The following FCN2 variants were observed in gnomAD, a reference collection of about 807,000 sequenced individuals.
FCN2 encodes the protein ficolin 2, also known as ficolin-2.
In FCN2, 31 loss-of-function variants were observed where a neutral mutation model predicts 32.5. The ratio of observed to expected loss-of-function variants is 0.96; its 90% CI spans 0.72 to 1.29. FCN2 has a LOEUF of 1.29. FCN2 is among the 50% of genes most tolerant of loss of function. The probability of loss-of-function intolerance (pLI) is 0.00; values close to 1 mark genes in which losing one functional copy is unlikely to be tolerated. For synonymous variants in FCN2, 181 were observed against 164.5 expected, an observed-to-expected ratio of 1.10 and a Z score of -0.77; for missense variants, 412 against 406.5, an observed-to-expected ratio of 1.01 and a Z score of -0.12.
the FCN2 span, among the ~76,000 whole-genome samples, chr9:134,873,914 TGTTTTTTG>T: frequency 4.8e-5 from 7 of 146,298 alleles, no homozygotes; most frequent in Admixed American, 2.0e-4. Context: ...TTTTTGTTTT[TGTTTTTTG>T]TTTTTTGATA....
At chr9:134,882,730 C>G (rs756015303) in intron 2 of FCN2, 91 bp downstream of exon 2, 38 of 906,118 alleles carry the variant, frequency 4.2e-5, no homozygotes, top group Middle Eastern at 2.2e-4. Context: ...GTTCCTAGAT[C>G]GAGAGCTGGG....
chr9:134,869,941 G>C, the FCN2 span, among the ~76,000 whole-genome samples: 1 of 152,114 alleles, frequency 6.6e-6, no homozygotes, highest in Non-Finnish European at 1.5e-5. Context: ...GCTGCAGGAG[G>C]GGGGGGCCCA....
At chr9:134,865,650 T>C in the FCN2 span, among the ~76,000 whole-genome samples, 1 of 150,436 alleles carries the variant, frequency 6.6e-6, no homozygotes, top group Non-Finnish European at 1.5e-5. Context: ...AAAAAAAAAA[T>C]CCACCAAGCA....
At chr9:134,864,516 T>C in the FCN2 span, among the ~76,000 whole-genome samples, 48,883 of 152,000 alleles carry the variant, frequency 0.32, 8,756 homozygotes, top group African/African-American at 0.45. Context: ...TTACAGTGGG[T>C]GGCTGCAGCC....
upstream of FCN2, among the ~76,000 whole-genome samples, chr9:134,875,976 G>A (rs2132989586): frequency 6.6e-6 from 1 of 152,246 alleles, no homozygotes; most frequent in East Asian, 1.9e-4. Flanking sequence ...CTTCATTTTT[G>A]GAGAGCCTTT....
At chr9:134,873,911 TTTTG>T in the FCN2 span, among the ~76,000 whole-genome samples, 37 of 63,332 alleles carry the variant, frequency 5.8e-4, no homozygotes, top group Middle Eastern at 0.013. Context: ...TTTTTTTTGT[TTTTG>T]TTTTTTGTTT....
intron 6 of FCN2, 42 bp from the exon 7 acceptor site, chr9:134,886,388 A>C (rs748190567): frequency 6.2e-7 from 1 of 1,612,690 alleles, no homozygotes; most frequent in Non-Finnish European, 8.5e-7. Context: ...GTCTAAAGGT[A>C]GAGAGCCCTT....
the FCN2 span, among the ~76,000 whole-genome samples, chr9:134,874,201 C>A: frequency 6.6e-6 from 1 of 152,128 alleles, no homozygotes; most frequent in Non-Finnish European, 1.5e-5. Context: ...CAGTTAGGAG[C>A]CACTGTGCCC....
At chr9:134,870,318 G>A in the FCN2 span, among the ~76,000 whole-genome samples, 1 of 152,190 alleles carries the variant, frequency 6.6e-6, no homozygotes, top group Admixed American at 6.5e-5. This position sits in a 1 kb window ranked among gnomAD's most constrained non-coding sequence, Gnocchi z 4.3. Context: ...GGCCTAGTGT[G>A]GGTGCAGAGG....
intron 5 of FCN2, 133 bp downstream of exon 5, chr9:134,885,499 C>T (rs1830736819): frequency 6.9e-7 from 1 of 1,444,612 alleles, no homozygotes; most frequent in African/African-American, 1.4e-5. Context: ...GGGGAGATGA[C>T]CGGTGGGTAA....
At chr9:134,870,189 C>T in the FCN2 span, among the ~76,000 whole-genome samples, 2 of 152,190 alleles carry the variant, frequency 1.3e-5, no homozygotes, top group East Asian at 1.9e-4. This position sits in a 1 kb window ranked among gnomAD's most constrained non-coding sequence, Gnocchi z 4.3. Flanking sequence ...CCGGTTTCCC[C>T]GAGTTCTGCT....
chr9:134,883,199 G>C (rs988663090), intron 2 of FCN2, 103 bp from the exon 3 acceptor site: 4 of 992,586 alleles, frequency 4.0e-6, no homozygotes, highest in Non-Finnish European at 6.5e-6. Context: ...AGCACGAGCA[G>C]GGTCATGGTC....
chr9:134,876,242 T>C (rs1830602675), upstream of FCN2, among the ~76,000 whole-genome samples: 1 of 152,230 alleles, frequency 6.6e-6, no homozygotes, highest in Non-Finnish European at 1.5e-5. Context: ...TTTCTTGCAA[T>C]GATTTTTATC....
rs771580942 is a variant in FCN2, at chr9:134,886,506, G to T, written c.636G>T (p.Val212=). ...YQFAKYRSFK[V]ADEAEKYNLV... ...TTGCTAAGTACAGATCATTCAAGGT[G>T]GCCGACGAGGCGGAGAAGTACAATC... is the stretch of plus-strand genomic sequence containing the variant. The change falls in exon 7 of 8, where the codon GTG becomes GTT. Residue 212 remains valine, a synonymous_variant. Transcript: ENST00000291744. The T allele has an allele frequency of 7.4e-6, 12 of 1,614,080 alleles. No homozygotes were observed. The East Asian group carries it at 2.5e-4, about 33-fold the overall frequency.
At chr9:134,871,645 G>T in the FCN2 span, among the ~76,000 whole-genome samples, 1 of 152,156 alleles carries the variant, frequency 6.6e-6, no homozygotes, top group Admixed American at 6.5e-5. Flanking sequence ...TCTAGGACCC[G>T]GTGCTGAGAG....
chr9:134,887,146 G>A, intron 7 of FCN2, 22 bp from the exon 8 acceptor site: 1 of 1,613,804 alleles, frequency 6.2e-7, no homozygotes. Context: ...CTGTAACGAT[G>A]CTCACATTTC....
At chr9:134,873,892 G>GT in the FCN2 span, among the ~76,000 whole-genome samples, 4 of 63,234 alleles carry the variant, frequency 6.3e-5, no homozygotes, top group Admixed American at 3.1e-4. Flanking sequence ...TGTTTGTTTT[G>GT]TTTTTTGTTT....
At chr9:134,872,634 G>A in the FCN2 span, among the ~76,000 whole-genome samples, 2 of 152,154 alleles carry the variant, frequency 1.3e-5, no homozygotes, top group Admixed American at 6.5e-5. Flanking sequence ...GCAGACAAGA[G>A]AGAGCGTGGT....
chr9:134,865,422 A>G, the FCN2 span, among the ~76,000 whole-genome samples: 95 of 152,330 alleles, frequency 6.2e-4, no homozygotes, highest in African/African-American at 2.1e-3. Context: ...GGTGGGTCCC[A>G]TGGAGAAAGG....
Sources: allele counts gnomAD v4.1 joint callset (sites outside exome capture counted in the v4.1 genomes callset), GRCh38; gene constraint gnomAD v4.1.1; non-coding constraint Gnocchi (gnomAD v3.1); transcripts MANE v1.5; gene names NCBI Gene and HGNC (gene_info 2026-07-23, HGNC 2026-07-21).